The following PARD3 variants were observed in gnomAD, a reference collection of about 807,000 sequenced individuals.
PARD3 encodes the protein par-3 family cell polarity regulator.
A neutral mutation model predicts 155.4 loss-of-function variants in PARD3; 75 were observed. That is an observed-to-expected ratio of 0.48 (90% CI 0.40 to 0.58). The LOEUF is 0.58. PARD3 is among the 20% of genes least tolerant of loss of function. The pLI, the probability that PARD3 is intolerant of heterozygous loss-of-function variation, is 0.00. For synonymous variants in PARD3, 576 were observed against 610.5 expected (o/e 0.94, Z 0.83); for missense variants, 1,642 against 1,721.7 (o/e 0.95, Z 0.82).
intron 2 of PARD3, among the ~76,000 whole-genome samples, chr10:34,586,219 G>A (rs371328399): frequency 2.6e-5 from 4 of 152,092 alleles, no homozygotes; most frequent in African/African-American, 4.8e-5. Flanking sequence ...AAGAAGTAAC[G>A]ACCCTATGGA....
At chr10:34,349,140 A>G (rs763291308) in intron 14 of PARD3, among the ~76,000 whole-genome samples, 1 of 152,228 alleles carries the variant, frequency 6.6e-6, no homozygotes, top group Non-Finnish European at 1.5e-5. Context: ...CACACAGCAC[A>G]GCGGGAGAGA....
intron 22 of PARD3, among the ~76,000 whole-genome samples, chr10:34,224,491 G>A (rs919315336): frequency 2.6e-5 from 4 of 152,164 alleles, no homozygotes; most frequent in East Asian, 1.9e-4. Flanking sequence ...AAATATCTGC[G>A]GAGAAAGGAG....
intron 7 of PARD3, among the ~76,000 whole-genome samples, chr10:34,395,312 G>A (rs1424110116): frequency 6.6e-6 from 1 of 152,110 alleles, no homozygotes; most frequent in Non-Finnish European, 1.5e-5. Flanking sequence ...TAGGATTACA[G>A]GCGTGAGCCA....
At chr10:34,436,040 G>T (rs974662995) in intron 5 of PARD3, among the ~76,000 whole-genome samples, 1 of 152,122 alleles carries the variant, frequency 6.6e-6, no homozygotes, top group East Asian at 1.9e-4. Context: ...CTCAATTCCA[G>T]TTGAAAATAT....
intron 21 of PARD3, among the ~76,000 whole-genome samples, chr10:34,274,237 A>T (rs577765428): frequency 6.6e-6 from 1 of 152,316 alleles, no homozygotes; most frequent in South Asian, 2.1e-4. Flanking sequence ...TCTAATGTCA[A>T]ATTTAGCTAA....
chr10:34,347,560 C>G (rs1199848583), intron 15 of PARD3, among the ~76,000 whole-genome samples: 1 of 152,088 alleles, frequency 6.6e-6, no homozygotes, highest in African/African-American at 2.4e-5. Flanking sequence ...TTTTTTCTCC[C>G]CCTCCAGGCA....
chr10:34,627,803 T>A (rs748769), intron 2 of PARD3, among the ~76,000 whole-genome samples: 80,040 of 152,080 alleles, frequency 0.53, 24,466 homozygotes, highest in African/African-American at 0.86. Flanking sequence ...TGACGTCCCT[T>A]CAAAACTAAC....
rs71984849 is a variant in PARD3, at chr10:34,750,030, TACACACACACACACAC to T, written c.121-53627_121-53612del. 9.0e-3 allele frequency among the ~76,000 whole-genome samples: 1,272 copies of T among 140,792 alleles called. 14 individuals carry two copies. The highest frequency in any genetic ancestry group is 0.027 in the African/African-American group (1,037 of 38,008). The allele number at this position is 140,792 out of a possible 152,430, so 92.4% of individuals were successfully genotyped here. A position where few individuals can be genotyped will look rare whatever the true frequency, so the allele number is the denominator to read the frequency against. On this transcript the variant is annotated intron_variant, in intron 1 of 24. Transcript: ENST00000374788. Reference sequence around the variant, plus strand: ...GAACGAGACCCCCTCTCAAAAAAAGTACACACACACACACACACACACACACACACACACACACACA... The same window carrying T: ...GAACGAGACCCCCTCTCAAAAAAAGTACACACACACACACACACACACACA...
intron 2 of PARD3, among the ~76,000 whole-genome samples, chr10:34,647,190 G>A (rs561472080): frequency 6.6e-6 from 1 of 152,264 alleles, no homozygotes; most frequent in Non-Finnish European, 1.5e-5. Context: ...ATCCCTTCCT[G>A]TGAATAACCT....
At chr10:34,806,149 G>C (rs951071737) in intron 1 of PARD3, among the ~76,000 whole-genome samples, 18 of 151,078 alleles carry the variant, frequency 1.2e-4, no homozygotes, top group Admixed American at 4.6e-4. Flanking sequence ...TCCCACGTCA[G>C]CCTCCTGAGC....
At chr10:34,134,902 A>T (rs1455345245) in intron 22 of PARD3, among the ~76,000 whole-genome samples, 1 of 152,236 alleles carries the variant, frequency 6.6e-6, no homozygotes, top group Non-Finnish European at 1.5e-5. Context: ...TGAGCCAATA[A>T]TTCAAATTTG....
At chr10:34,394,185 C>T (rs186935365) in intron 7 of PARD3, among the ~76,000 whole-genome samples, 2 of 152,196 alleles carry the variant, frequency 1.3e-5, no homozygotes, top group African/African-American at 4.8e-5. Flanking sequence ...ATCACCACAC[C>T]TGGCTAATGT....
intron 15 of PARD3, chr10:34,346,048 A>T: frequency 1.0e-6 from 1 of 986,796 alleles, no homozygotes; most frequent in Non-Finnish European, 1.2e-6. Context: ...ATAGTAACGC[A>T]TTTGTCACCC....
At chr10:34,387,973 T>C (rs1048090978) in intron 7 of PARD3, among the ~76,000 whole-genome samples, 6 of 152,046 alleles carry the variant, frequency 3.9e-5, no homozygotes, top group African/African-American at 1.2e-4. Context: ...CACACACGTA[T>C]AGAAACTATA....
intron 1 of PARD3, among the ~76,000 whole-genome samples, chr10:34,736,559 C>T (rs903922817): frequency 1.3e-5 from 2 of 151,936 alleles, no homozygotes; most frequent in Non-Finnish European, 2.9e-5. Context: ...CACTTGAATC[C>T]GCACCACTGT....
intron 20 of PARD3, among the ~76,000 whole-genome samples, chr10:34,309,750 AC>A (rs1032468818): frequency 3.3e-4 from 12 of 36,804 alleles, no homozygotes; most frequent in Admixed American, 5.9e-4. Context: ...CATCTCCCCC[AC>A]CCCCCCGCCC....
intron 2 of PARD3, among the ~76,000 whole-genome samples, chr10:34,553,891 A>G (rs893605184): frequency 2.0e-5 from 3 of 152,214 alleles, no homozygotes; most frequent in Non-Finnish European, 4.4e-5. Context: ...AGGCTCTGAT[A>G]AGGTAAATAC....
chr10:34,479,698 G>C (rs1310929067), intron 3 of PARD3, among the ~76,000 whole-genome samples: 1 of 152,080 alleles, frequency 6.6e-6, no homozygotes, highest in African/African-American at 2.4e-5. Context: ...GCGCACCAGT[G>C]CTGCAACTTC....
chr10:34,379,322 C>G (rs1008262701), intron 9 of PARD3, among the ~76,000 whole-genome samples: 1 of 151,920 alleles, frequency 6.6e-6, no homozygotes, highest in African/African-American at 2.4e-5. Flanking sequence ...CAAAACCTAC[C>G]ATAGTTATTC....
Sources: gnomAD v4.1 joint callset for allele counts (sites outside exome capture counted in the v4.1 genomes callset) on GRCh38, gnomAD v4.1.1 for gene constraint, MANE v1.5 for transcripts, NCBI Gene and HGNC (gene_info 2026-07-23, HGNC 2026-07-21) for gene names.